Variants in PDCD2L observed in about 807,000 individuals in gnomAD.
The protein encoded by PDCD2L is uS5 assembly chaperone PDCD2L.
PDCD2L carries 44 observed loss-of-function variants against 40.4 expected under a neutral mutation model. The ratio of observed to expected loss-of-function variants is 1.09; its 90% CI spans 0.86 to 1.40. PDCD2L has a LOEUF of 1.40. Among genes scored for constraint, PDCD2L ranks in the 40% most tolerant of loss-of-function variants. The pLI, the probability that PDCD2L is intolerant of heterozygous loss-of-function variation, is 0.00. For synonymous variants in PDCD2L, 194 were observed against 174.6 expected (o/e 1.11, Z -0.88); for missense variants, 470 against 453.7 (o/e 1.04, Z -0.33).
intron 3 of PDCD2L, among the ~76,000 whole-genome samples, chr19:34,405,654 A>G (rs1193396508): frequency 1.3e-5 from 2 of 150,008 alleles, no homozygotes; most frequent in African/African-American, 4.9e-5. Flanking sequence ...TAATCCCAGC[A>G]CTTTGGGAGG....
In PDCD2L at chr19:34,404,661, A is replaced by C; in HGVS notation, c.121A>C (p.Thr41Pro). Residue 41 changes from threonine to proline, a missense_variant, in exon 2 of 7, where the codon ACC (threonine) becomes CCC (proline). Transcript: ENST00000246535. ...KLGGIPDALP[T>P]VAAPRPVCQR... ...TCTGTCCCCTCAGGATGCTCTGCCC[A>C]CCGTGGCTGCGCCCAGGCCCGTGTG... 6.2e-7 allele frequency: 1 copy of C among 1,611,154 alleles called. No homozygotes were observed. The highest frequency in any genetic ancestry group is 8.5e-7 in the Non-Finnish European group (1 of 1,179,622).
At chr19:34,409,683 C>G (rs145784245) in intron 4 of PDCD2L, among the ~76,000 whole-genome samples, 173 bp downstream of exon 4, 13 of 152,298 alleles carry the variant, frequency 8.5e-5, no homozygotes, top group Middle Eastern at 3.4e-3. Flanking sequence ...AAACCCTGCT[C>G]TATTTATAAT....
chr19:34,406,501 G>A (rs1275085944), intron 3 of PDCD2L, among the ~76,000 whole-genome samples: 1 of 151,210 alleles, frequency 6.6e-6, no homozygotes, highest in Non-Finnish European at 1.5e-5. Context: ...TTCTGCCTCA[G>A]CCTCCAGAGT....
At chr19:34,411,963 C>CATACATATATAT (rs1555724498) in intron 4 of PDCD2L, among the ~76,000 whole-genome samples, 1 of 137,672 alleles carries the variant, frequency 7.3e-6, no homozygotes. Flanking sequence ...ATGAAAAATA[C>CATACATATATAT]ATATATATAT....
At chr19:34,413,662 A>G in intron 4 of PDCD2L, 75 bp from the exon 5 acceptor site, 2 of 953,892 alleles carry the variant, frequency 2.1e-6, no homozygotes, top group African/African-American at 1.7e-5. Flanking sequence ...AAAGAAAATT[A>G]TCTTGTTTTG....
chr19:34,416,847 G>C (rs571679690), intron 5 of PDCD2L, among the ~76,000 whole-genome samples: 1 of 152,354 alleles, frequency 6.6e-6, no homozygotes, highest in Non-Finnish European at 1.5e-5. Flanking sequence ...TGGACTCGGT[G>C]GCTCACGCCA....
chr19:34,421,343 A>G, intron 5 of PDCD2L, 176 bp from the exon 6 acceptor site: 2 of 721,728 alleles, frequency 2.8e-6, no homozygotes, highest in Non-Finnish European at 4.6e-6. Flanking sequence ...GAGACTTTGA[A>G]TCGAACACTG....
rs2075151884 is a variant in PDCD2L, at chr19:34,421,630, G to A, written c.909G>A (p.Met303Ile). Residue 303 changes from methionine to isoleucine, a missense_variant, in exon 6 of 7, where the codon ATG (methionine) becomes ATA (isoleucine). Met to Ile is a conservative substitution (Grantham distance 10). Transcript: ENST00000246535. ...GGQRIFEFQLMPALVSMLKSA... is the reference protein window; with the variant it reads ...GGQRIFEFQLIPALVSMLKSA... ...AAAGGATATTTGAGTTTCAGCTTAT[G>A]CCAGCACTGGTCAGCATGCTCAAGA... The A allele has an allele frequency of 6.2e-7, 1 of 1,614,158 alleles. No individual in the cohort carries two copies. The highest frequency in any genetic ancestry group is 1.3e-5 in the African/African-American group (1 of 75,040).
chr19:34,405,179 C>G (rs2145455091), intron 3 of PDCD2L, among the ~76,000 whole-genome samples, 189 bp downstream of exon 3: 1 of 130,062 alleles, frequency 7.7e-6, no homozygotes, highest in African/African-American at 3.0e-5. Flanking sequence ...CGGAGTTTCG[C>G]TCTGTCGCCC....
intron 5 of PDCD2L, among the ~76,000 whole-genome samples, chr19:34,419,117 C>T (rs915043042): frequency 6.6e-6 from 1 of 151,844 alleles, no homozygotes; most frequent in African/African-American, 2.4e-5. Flanking sequence ...ATATGCAGTC[C>T]CTTTAATGTA....
At chr19:34,417,058 C>T (rs1313524505) in intron 5 of PDCD2L, among the ~76,000 whole-genome samples, 1 of 151,862 alleles carries the variant, frequency 6.6e-6, no homozygotes, top group Non-Finnish European at 1.5e-5. Flanking sequence ...AGGTTGCAAT[C>T]AGCCGAGATC....
chr19:34,404,876 C>T, intron 2 of PDCD2L, 54 bp from the exon 3 acceptor site: 1 of 1,610,670 alleles, frequency 6.2e-7, no homozygotes, highest in Non-Finnish European at 8.5e-7. Context: ...TGGGGCGGGC[C>T]GGCGGGCTGG....
intron 6 of PDCD2L, among the ~76,000 whole-genome samples, chr19:34,424,901 C>G (rs1181460002): frequency 6.6e-6 from 1 of 151,928 alleles, no homozygotes; most frequent in African/African-American, 2.4e-5. Flanking sequence ...CCTACCACCA[C>G]GCCCAGCTAA....
At chr19:34,415,983 C>G (rs780345830) in intron 5 of PDCD2L, among the ~76,000 whole-genome samples, 3 of 152,148 alleles carry the variant, frequency 2.0e-5, no homozygotes, top group Non-Finnish European at 4.4e-5. Flanking sequence ...AGCAATGGTA[C>G]GATCTCAGCT....
intron 5 of PDCD2L, among the ~76,000 whole-genome samples, chr19:34,420,469 C>G (rs80296376): frequency 6.6e-6 from 1 of 151,604 alleles, no homozygotes; most frequent in African/African-American, 2.4e-5. Flanking sequence ...AATGATTTAC[C>G]AGAAATTACA....
intron 4 of PDCD2L, among the ~76,000 whole-genome samples, chr19:34,409,939 C>T (rs993830963): frequency 3.3e-5 from 5 of 152,148 alleles, no homozygotes; most frequent in African/African-American, 9.7e-5. Flanking sequence ...GGCCCAGGAC[C>T]TCAGAGATGC....
intron 4 of PDCD2L, among the ~76,000 whole-genome samples, chr19:34,410,474 A>AT (rs2075097131): frequency 6.6e-6 from 1 of 151,634 alleles, no homozygotes; most frequent in Non-Finnish European, 1.5e-5. Flanking sequence ...CTGGTCTCGA[A>AT]CTCCTGACCT....
chr19:34,419,390 G>A (rs377088033), intron 5 of PDCD2L, among the ~76,000 whole-genome samples: 1 of 152,046 alleles, frequency 6.6e-6, no homozygotes, highest in Non-Finnish European at 1.5e-5. Context: ...TTTGACCTCA[G>A]GTGACCCGCC....
At chr19:34,405,380 A>G (rs563912454) in intron 3 of PDCD2L, among the ~76,000 whole-genome samples, 351 of 151,430 alleles carry the variant, frequency 2.3e-3, no homozygotes, top group Non-Finnish European at 3.4e-3. Context: ...TGCCGACCTC[A>G]GGTGATCCAC....
Sources: allele counts gnomAD v4.1 joint callset (sites outside exome capture counted in the v4.1 genomes callset), GRCh38; gene constraint gnomAD v4.1.1; transcripts MANE v1.5; gene names NCBI Gene and HGNC (gene_info 2026-07-23, HGNC 2026-07-21).